The following HMGB1 variants were observed in gnomAD, a reference collection of about 807,000 sequenced individuals.
HMGB1 encodes high mobility group protein B1.
For synonymous variants in HMGB1, 81 were observed against 84.0 expected (o/e 0.96, Z 0.19); for missense variants, 79 against 253.5 (o/e 0.31, Z 4.67).
At chr13:30,502,757 C>A (rs186668589) in intron 1 of HMGB1, among the ~76,000 whole-genome samples, 1 of 151,956 alleles carries the variant, frequency 6.6e-6, no homozygotes, top group East Asian at 1.9e-4. Flanking sequence ...CTCACTGCAA[C>A]CTCTGCCTCC....
chr13:30,589,007 C>CTTTTTTTTTTTTTTTTTTTT (rs1292576513), intron 1 of HMGB1, among the ~76,000 whole-genome samples: 5 of 141,714 alleles, frequency 3.5e-5, no homozygotes, highest in African/African-American at 1.0e-4. Context: ...TAGTTTACCA[C>CTTTTTTTTTTTTTTTTTTTT]TTTTTTTTTT....
At position 30,459,041 on chromosome 13, in the gene HMGB1, CAATT is replaced by C. The variant is rs757917672; in HGVS notation, c.*2312_*2315del. 3.3e-5 allele frequency: 5 copies of C among 152,182 alleles called. No individual in the cohort carries two copies. Among genetic ancestry groups the C allele is most frequent in the Non-Finnish European group, 7.4e-5 (5 of 67,994 alleles). The allele number at this position is 152,182 out of a possible 1,614,324, so 9.4% of individuals were successfully genotyped here. ...AGCATCTTCATTTTAAAAGTTGGCC[CAATT>C]AATTATAGATTTAGTCTTTTCTTGA... On this transcript the variant is annotated 3_prime_UTR_variant, in exon 5 of 5. Transcript: ENST00000341423.
intron 1 of HMGB1, among the ~76,000 whole-genome samples, chr13:30,586,480 T>G (rs1249715633): frequency 5.8e-4 from 2 of 3,442 alleles, no homozygotes; most frequent in Admixed American, 4.3e-3. Context: ...GTTTTTTTTG[T>G]TTTTTTTTTT....
At chr13:30,581,602 T>C (rs748109697) in intron 1 of HMGB1, among the ~76,000 whole-genome samples, 19 of 152,308 alleles carry the variant, frequency 1.2e-4, no homozygotes, top group Non-Finnish European at 2.5e-4. Flanking sequence ...TTCTATATTG[T>C]TGATTAAGAA....
At chr13:30,593,308 T>C (rs1269616330) in intron 1 of HMGB1, among the ~76,000 whole-genome samples, 2 of 152,184 alleles carry the variant, frequency 1.3e-5, no homozygotes, top group Admixed American at 1.3e-4. Flanking sequence ...GCATATTAAG[T>C]CTCTTTTATG....
At chr13:30,464,783 GT>G in intron 1 of HMGB1, 1 of 245,448 alleles carries the variant, frequency 4.1e-6, no homozygotes, top group Middle Eastern at 1.9e-3. Flanking sequence ...GTGTGTGTGT[GT>G]GTGTATGAGA....
chr13:30,593,811 G>A (rs1871479864), intron 1 of HMGB1, among the ~76,000 whole-genome samples: 1 of 152,102 alleles, frequency 6.6e-6, no homozygotes, highest in Admixed American at 6.5e-5. Context: ...AAAAAGGAGT[G>A]GGGAGAGGTC....
chr13:30,543,698 G>T (rs1238514808), intron 1 of HMGB1, among the ~76,000 whole-genome samples: 1 of 152,112 alleles, frequency 6.6e-6, no homozygotes, highest in Non-Finnish European at 1.5e-5. Context: ...CTAGGGCAGG[G>T]ATGCTAAAAG....
At chr13:30,464,894 C>G (rs941395490) in intron 1 of HMGB1, among the ~76,000 whole-genome samples, 1 of 139,896 alleles carries the variant, frequency 7.1e-6, no homozygotes, top group African/African-American at 2.6e-5. Flanking sequence ...GGGGGAGGGG[C>G]GGGGGGCGCG....
chr13:30,510,940 A>G lies in HMGB1; in HGVS notation c.-14-47246T>C, dbSNP rs79262579. On this transcript the variant is annotated intron_variant, in intron 1 of 4. Transcript: ENST00000405805. ...GTGTATATCAGGAACATCTCTTCCT[A>G]AGATGTTTGAGAAGAGAGTCTAGCC... is the stretch of plus-strand genomic sequence containing the variant. Among the ~76,000 whole-genome samples the G allele has an allele frequency of 9.8e-5, 15 of 152,290 alleles. 1 individual carries two copies. In the East Asian group the frequency reaches 2.7e-3, roughly 27 times the overall value.
intron 1 of HMGB1, among the ~76,000 whole-genome samples, chr13:30,571,292 G>GTTTTT (rs557966775): frequency 3.7e-5 from 5 of 135,502 alleles, no homozygotes; most frequent in African/African-American, 1.3e-4. Flanking sequence ...CAAAAAAATG[G>GTTTTT]TTTTTTTTTT....
chr13:30,534,097 C>T (rs906558360), intron 1 of HMGB1, among the ~76,000 whole-genome samples: 1 of 152,172 alleles, frequency 6.6e-6, no homozygotes, highest in Non-Finnish European at 1.5e-5. Context: ...CTCCCAACCT[C>T]AGGTGATCTG....
At chr13:30,464,661 C>T (rs1481805546) in intron 1 of HMGB1, 1 of 982,818 alleles carries the variant, frequency 1.0e-6, no homozygotes, top group South Asian at 4.7e-5. Flanking sequence ...CGCCCGCGGC[C>T]GCCGGGGCCG....
At chr13:30,519,857 A>G (rs1888197447) in intron 1 of HMGB1, among the ~76,000 whole-genome samples, 1 of 152,220 alleles carries the variant, frequency 6.6e-6, no homozygotes, top group Non-Finnish European at 1.5e-5. Flanking sequence ...CTTAGAAAGG[A>G]AAAATGTTCC....
chr13:30,614,496 T>A (rs1384748803), intron 1 of HMGB1, among the ~76,000 whole-genome samples: 1 of 152,162 alleles, frequency 6.6e-6, no homozygotes, highest in Non-Finnish European at 1.5e-5. Context: ...GCAGAAGAGA[T>A]GGGATTAGAT....
In HMGB1 at chr13:30,491,255, C is replaced by T. The variant is rs541538494; in HGVS notation, c.-14-27561G>A. Among the ~76,000 whole-genome samples, 10 of 152,206 alleles carry T rather than the reference C, an allele frequency of 6.6e-5. No homozygotes were observed. In the South Asian group the frequency reaches 1.9e-3, roughly 28 times the overall value. ...ATGTTAGCCAGGCTGGTCTTGAACTCCTGACCTTAGATGATCTGCCTGCCT... is the reference window on the plus strand; with the variant it reads ...ATGTTAGCCAGGCTGGTCTTGAACTTCTGACCTTAGATGATCTGCCTGCCT... On this transcript the variant is annotated intron_variant, in intron 1 of 4. Transcript: ENST00000405805.
intron 1 of HMGB1, among the ~76,000 whole-genome samples, chr13:30,600,454 C>T (rs1423264139): frequency 6.6e-6 from 1 of 152,032 alleles, no homozygotes; most frequent in South Asian, 2.1e-4. Flanking sequence ...TAAAGCAACC[C>T]GAGAACAGTA....
chr13:30,615,611 C>G (rs1258408724), intron 1 of HMGB1, among the ~76,000 whole-genome samples: 1 of 152,154 alleles, frequency 6.6e-6, no homozygotes, highest in Non-Finnish European at 1.5e-5. Context: ...GGATTACAGA[C>G]TGTACTCATA....
At chr13:30,562,019 T>C (rs750784144) in intron 1 of HMGB1, among the ~76,000 whole-genome samples, 16 of 152,172 alleles carry the variant, frequency 1.1e-4, no homozygotes, top group Non-Finnish European at 1.9e-4. Context: ...GAGTGTCTTA[T>C]ACAGAAGTTG....
Sources: allele counts gnomAD v4.1 joint callset (sites outside exome capture counted in the v4.1 genomes callset), GRCh38; gene constraint gnomAD v4.1.1; transcripts MANE v1.5; gene names NCBI Gene and HGNC (gene_info 2026-07-23, HGNC 2026-07-21).